Variants in TUSC3 observed in about 807,000 individuals in gnomAD.
TUSC3 encodes the protein tumor suppressor candidate 3.
In TUSC3, 45 loss-of-function variants were observed where a neutral mutation model predicts 44.8. That is an observed-to-expected ratio of 1.00 (90% confidence interval 0.79 to 1.29). The LOEUF (loss-of-function observed/expected upper bound fraction) is 1.29. Ranked by LOEUF, TUSC3 falls within the 50% of genes most tolerant of loss-of-function variation. The probability of loss-of-function intolerance (pLI) is 0.00; values close to 1 mark genes in which losing one functional copy is unlikely to be tolerated. For missense variants in TUSC3, 519 were observed against 437.9 expected (o/e 1.19, Z -1.65); for synonymous variants, 212 against 152.9 (o/e 1.39, Z -2.85).
intron 1 of TUSC3, among the ~76,000 whole-genome samples, chr8:15,457,230 T>C (rs537783885): frequency 1.2e-4 from 18 of 151,818 alleles, no homozygotes; most frequent in Admixed American, 4.6e-4. Context: ...GACGAGTTAA[T>C]GGGTGCAGCA....
intron 2 of TUSC3, among the ~76,000 whole-genome samples, chr8:15,628,301 A>G (rs151082542): frequency 2.2e-3 from 331 of 152,300 alleles, no homozygotes; most frequent in Non-Finnish European, 4.0e-3. Flanking sequence ...AACATAAACC[A>G]TAACATACTG....
intron 2 of TUSC3, among the ~76,000 whole-genome samples, chr8:15,520,001 A>T (rs1801273936): frequency 1.3e-5 from 2 of 152,174 alleles, no homozygotes; most frequent in Non-Finnish European, 2.9e-5. Context: ...TGGCTCTTAA[A>T]AACTGCCACT....
In TUSC3 at chr8:15,695,082, C is replaced by T. The variant is rs547709939; in HGVS notation, c.798+21246C>T. ...GACAGCAGTGGCAGCGCAGCGTTTGCGGAGAGGCCACTAGTGTCAGTGCAG... is the reference window on the plus strand; with the variant it reads ...GACAGCAGTGGCAGCGCAGCGTTTGTGGAGAGGCCACTAGTGTCAGTGCAG... On this transcript the variant is annotated intron_variant, in intron 6 of 10. Coordinates refer to ENST00000503731, the MANE Select transcript of TUSC3 (RefSeq NM_006765.4). Among the ~76,000 whole-genome samples the T allele has an allele frequency of 1.2e-4, 19 of 152,262 alleles. 1 individual carries two copies. Among genetic ancestry groups the T allele is most frequent in the East Asian group, 3.9e-4 (2 of 5,170 alleles).
intron 1 of TUSC3, among the ~76,000 whole-genome samples, chr8:15,458,620 A>G (rs989051144): frequency 1.2e-4 from 18 of 152,324 alleles, no homozygotes; most frequent in South Asian, 4.1e-4. Flanking sequence ...TTATGTACCA[A>G]TGATTAAGAT....
intron 6 of TUSC3, among the ~76,000 whole-genome samples, chr8:15,701,176 A>G (rs1318237928): frequency 6.6e-6 from 1 of 152,150 alleles, no homozygotes; most frequent in Non-Finnish European, 1.5e-5. Context: ...TGCCTATTTT[A>G]ATAAGTGTAT....
intron 1 of TUSC3, among the ~76,000 whole-genome samples, chr8:15,426,670 C>T (rs908352832): frequency 1.3e-5 from 2 of 152,202 alleles, no homozygotes; most frequent in African/African-American, 2.4e-5. Context: ...CATAACTTAG[C>T]TTCATGAATG....
chr8:15,493,704 AAAG>A (rs1800840793), intron 2 of TUSC3, among the ~76,000 whole-genome samples: 3 of 152,208 alleles, frequency 2.0e-5, no homozygotes, highest in African/African-American at 4.8e-5. Flanking sequence ...CCAATTAGAA[AAAG>A]AAGACACTGC....
chr8:15,633,939 C>G (rs1413742756), intron 2 of TUSC3, among the ~76,000 whole-genome samples: 2 of 152,164 alleles, frequency 1.3e-5, no homozygotes, highest in African/African-American at 2.4e-5. Flanking sequence ...AAACATCCCA[C>G]AAGGGATGCA....
At chr8:15,688,870 A>T (rs958415266) in intron 6 of TUSC3, 1 of 161,226 alleles carries the variant, frequency 6.2e-6, no homozygotes, top group African/African-American at 2.4e-5. Context: ...ACTAGGTAGG[A>T]TTAAGATACT....
At chr8:15,597,281 A>G (rs547588719) in intron 1 of TUSC3, among the ~76,000 whole-genome samples, 1 of 152,124 alleles carries the variant, frequency 6.6e-6, no homozygotes, top group Non-Finnish European at 1.5e-5. Flanking sequence ...TGTGGCCCTT[A>G]GATCTTAAGA....
chr8:15,506,179 A>C (rs1585069394), intron 2 of TUSC3, among the ~76,000 whole-genome samples: 1 of 152,176 alleles, frequency 6.6e-6, no homozygotes, highest in East Asian at 1.9e-4. Context: ...AGAAAACAGT[A>C]CCCCAAAATA....
In TUSC3 at chr8:15,743,610, G is replaced by GGA; in HGVS notation, c.937_937+1dup. The GGA allele has an allele frequency of 6.2e-7, 1 of 1,613,816 alleles. No individual in the cohort carries two copies. On this transcript the variant is annotated frameshift_variant and splice_region_variant, in exon 8 of 11. Transcript: ENST00000503731. LOFTEE classifies it high-confidence loss of function. ...TCGAAAGGCGATGTTGGAAAAAGAC[G>GGA]GAGTAAGTCTCTGTGTTGCCATTTT...
intron 1 of TUSC3, among the ~76,000 whole-genome samples, chr8:15,424,585 A>T (rs1799781156): frequency 6.6e-6 from 1 of 152,184 alleles, no homozygotes; most frequent in South Asian, 2.1e-4. Flanking sequence ...AAAGTTGATT[A>T]AAAAATCGTT....
intron 1 of TUSC3, among the ~76,000 whole-genome samples, chr8:15,446,332 C>T (rs533694396): frequency 3.1e-4 from 47 of 152,014 alleles, no homozygotes; most frequent in African/African-American, 1.1e-3. Flanking sequence ...GGGTGGCGGC[C>T]GGGCAGAGGC....
intron 2 of TUSC3, among the ~76,000 whole-genome samples, chr8:15,497,194 T>C (rs1429920394): frequency 6.6e-6 from 1 of 152,200 alleles, no homozygotes; most frequent in Non-Finnish European, 1.5e-5. Flanking sequence ...AAGTTTAAGT[T>C]TGAGCAGGGA....
chr8:15,504,586 T>G (rs1287082001), intron 2 of TUSC3, among the ~76,000 whole-genome samples: 1 of 17,792 alleles, frequency 5.6e-5, no homozygotes, highest in Non-Finnish European at 1.3e-4. Flanking sequence ...AGGATATATA[T>G]ATATATATAT....
chr8:15,785,022 T>TATAC, the TUSC3 span, among the ~76,000 whole-genome samples: 1 of 151,746 alleles, frequency 6.6e-6, no homozygotes, highest in Non-Finnish European at 1.5e-5. Context: ...TATATATATA[T>TATAC]ACACACAATT....
chr8:15,514,396 A>G (rs1801186438), intron 2 of TUSC3, among the ~76,000 whole-genome samples: 3 of 152,210 alleles, frequency 2.0e-5, no homozygotes. Context: ...GGATACAGAA[A>G]CTTGCTCATG....
the TUSC3 span, among the ~76,000 whole-genome samples, chr8:15,823,034 A>G: frequency 3.3e-5 from 5 of 152,110 alleles, no homozygotes; most frequent in South Asian, 1.0e-3. Flanking sequence ...TTTCTTTTCT[A>G]AAGGAAGAGG....
Sources: gnomAD v4.1 joint callset for allele counts (sites outside exome capture counted in the v4.1 genomes callset) on GRCh38, gnomAD v4.1.1 for gene constraint, MANE v1.5 for transcripts, NCBI Gene and HGNC (gene_info 2026-07-23, HGNC 2026-07-21) for gene names.